The following RIMS1 variants were observed in gnomAD, a reference collection of about 807,000 sequenced individuals.
RIMS1 encodes regulating synaptic membrane exocytosis protein 1.
RIMS1 carries 83 observed loss-of-function variants against 214.1 expected under a neutral mutation model. The ratio of observed to expected loss-of-function variants is 0.39; its 90% confidence interval spans 0.32 to 0.47. The LOEUF is 0.47. Ranked by LOEUF, RIMS1 falls within the 20% of genes least tolerant of loss-of-function variation. RIMS1 has a pLI of 0.99. For synonymous variants in RIMS1, 793 were observed against 786.8 expected (o/e 1.01, Z -0.13); for missense variants, 2,050 against 2,161.8 (o/e 0.95, Z 1.03).
At chr6:72,339,896 C>T (rs1478259737) in intron 29 of RIMS1, among the ~76,000 whole-genome samples, 1 of 151,784 alleles carries the variant, frequency 6.6e-6, no homozygotes. Context: ...TTTACAGTCC[C>T]ACCAACAGTG....
chr6:72,079,315 A>T (rs1022250446), intron 2 of RIMS1, among the ~76,000 whole-genome samples: 1 of 152,220 alleles, frequency 6.6e-6, no homozygotes, highest in Non-Finnish European at 1.5e-5. Context: ...TGTTTGATGT[A>T]TCAAGCAGGG....
chr6:72,077,084 T>G (rs1474889032), intron 2 of RIMS1, among the ~76,000 whole-genome samples: 1 of 152,166 alleles, frequency 6.6e-6, no homozygotes, highest in Non-Finnish European at 1.5e-5. Context: ...GTCCAGCCTT[T>G]GCACGGGCTG....
intron 1 of RIMS1, among the ~76,000 whole-genome samples, chr6:71,949,891 C>A (rs1788934385): frequency 6.6e-6 from 1 of 152,096 alleles, no homozygotes; most frequent in Admixed American, 6.6e-5. Flanking sequence ...AAAATATATG[C>A]CTTCACAAAG....
intron 2 of RIMS1, among the ~76,000 whole-genome samples, chr6:72,096,228 A>C (rs900425216): frequency 2.0e-5 from 3 of 152,216 alleles, no homozygotes; most frequent in African/African-American, 7.2e-5. Context: ...AAATTGAACT[A>C]TGTAAAAATC....
intron 29 of RIMS1, among the ~76,000 whole-genome samples, chr6:72,351,983 G>T (rs1168927548): frequency 6.6e-6 from 1 of 152,098 alleles, no homozygotes; most frequent in African/African-American, 2.4e-5. Context: ...TATGTAACAT[G>T]CCTGAGTTCA....
At position 72,252,721 on chromosome 6, in the gene RIMS1, A is replaced by G. The variant is rs556411958; in HGVS notation, c.2699-40A>G. 28 of 1,527,446 alleles carry G rather than the reference A, an allele frequency of 1.8e-5. No homozygotes were observed. In the African/African-American group the frequency reaches 1.9e-4, roughly 11 times the overall value. 94.6% of individuals were successfully genotyped at this position (1,527,446 alleles called of 1,614,324 possible). On this transcript the variant is annotated intron_variant, in intron 15 of 33. Transcript: ENST00000521978. Reference sequence around the variant, plus strand: ...AGTGCTCTTTACGTTTCATAAACCAACCAGACACAGAAGTATCTCTTTGCC... The same window carrying G: ...AGTGCTCTTTACGTTTCATAAACCAGCCAGACACAGAAGTATCTCTTTGCC...
At chr6:71,924,630 CAA>C (rs1250868988) in intron 1 of RIMS1, among the ~76,000 whole-genome samples, 28 of 76,146 alleles carry the variant, frequency 3.7e-4, no homozygotes, top group Admixed American at 5.7e-4. Context: ...CCCATCTCTG[CAA>C]AAAAAAAAAA....
intron 4 of RIMS1, among the ~76,000 whole-genome samples, chr6:72,133,304 G>A (rs2040756919): frequency 6.7e-6 from 1 of 149,558 alleles, no homozygotes; most frequent in Non-Finnish European, 1.5e-5. Context: ...GTCATTCATA[G>A]CTCTTAAAAT....
At chr6:72,121,293 G>T (rs966061035) in intron 4 of RIMS1, among the ~76,000 whole-genome samples, 1 of 151,884 alleles carries the variant, frequency 6.6e-6, no homozygotes, top group African/African-American at 2.4e-5. Context: ...AGCATGGAAT[G>T]TTGTTCCATT....
At chr6:72,353,015 A>G (rs1399455563) in intron 29 of RIMS1, among the ~76,000 whole-genome samples, 8 of 97,718 alleles carry the variant, frequency 8.2e-5, no homozygotes, top group Admixed American at 6.4e-4. Flanking sequence ...TTTGAGATGG[A>G]GTGTCAATCT....
At chr6:72,047,564 A>G (rs1297957113) in intron 2 of RIMS1, among the ~76,000 whole-genome samples, 1 of 152,138 alleles carries the variant, frequency 6.6e-6, no homozygotes, top group East Asian at 1.9e-4. Context: ...GAACAGAGAA[A>G]CAGCTTCTAA....
chr6:72,139,165 G>A (rs985648369), intron 4 of RIMS1, among the ~76,000 whole-genome samples: 1 of 152,064 alleles, frequency 6.6e-6, no homozygotes, highest in Non-Finnish European at 1.5e-5. Flanking sequence ...CATATGAAAA[G>A]ACTCTGGCCT....
chr6:71,945,907 G>A (rs539093891), intron 1 of RIMS1, among the ~76,000 whole-genome samples: 5 of 152,068 alleles, frequency 3.3e-5, no homozygotes, highest in South Asian at 2.1e-4. Context: ...CTGCCACTAC[G>A]CTCAGCTAAT....
chr6:72,219,345 C>A (rs376092238), intron 6 of RIMS1, among the ~76,000 whole-genome samples: 3 of 152,056 alleles, frequency 2.0e-5, no homozygotes, highest in Non-Finnish European at 2.9e-5. Flanking sequence ...TATTATATAA[C>A]CTGCTTCACG....
At position 72,291,994 on chromosome 6, in the gene RIMS1, C is replaced by G. The variant is rs377076067; in HGVS notation, c.3798C>G (p.Arg1266=). 27 of 1,563,300 alleles carry G rather than the reference C, an allele frequency of 1.7e-5. No individual in the cohort carries two copies. Among genetic ancestry groups the G allele is most frequent in the Non-Finnish European group, 2.3e-5 (27 of 1,153,942 alleles). The part of the protein sequence containing the change: ...SPPADTSFSS[R]RGRQLPQVPV... ...CAGCAGACACATCGTTCAGCAGTCGCAGGGGAAGACAGCTCCCACAAGTGC... is the reference window on the plus strand; with the variant it reads ...CAGCAGACACATCGTTCAGCAGTCGGAGGGGAAGACAGCTCCCACAAGTGC... The change falls in exon 26 of 34, where the codon CGC becomes CGG. Residue 1266 remains arginine (R), a synonymous_variant. Coordinates refer to ENST00000521978, the MANE Select transcript of RIMS1 (RefSeq NM_014989.7).
chr6:72,285,642 G>A (rs1478144891), intron 24 of RIMS1, among the ~76,000 whole-genome samples: 2 of 152,172 alleles, frequency 1.3e-5, no homozygotes, highest in Non-Finnish European at 2.9e-5. Context: ...TGGACTTTGA[G>A]GAAGGAAATT....
At chr6:72,047,035 CA>C (rs150354425) in intron 2 of RIMS1, among the ~76,000 whole-genome samples, 2,042 of 151,774 alleles carry the variant, frequency 0.013, 10 homozygotes, top group Non-Finnish European at 0.017. Flanking sequence ...TACATTTGAC[CA>C]AAAAAAGTCT....
chr6:72,281,493 G>T (rs149321444), intron 23 of RIMS1, among the ~76,000 whole-genome samples: 78 of 152,130 alleles, frequency 5.1e-4, no homozygotes, highest in African/African-American at 1.8e-3. Context: ...AATAGAAGTT[G>T]CCAGGGATCA....
rs567625612 is a variant in RIMS1, at chr6:72,159,892, T to C, written c.472-19683T>C. Among the ~76,000 whole-genome samples the C allele has an allele frequency of 1.4e-5, 2 of 140,206 alleles. 1 individual carries two copies. Among genetic ancestry groups the C allele is most frequent in the South Asian group, 4.8e-4 (2 of 4,204 alleles). The allele number at this position is 140,206 out of a possible 152,430, so 92.0% of individuals were successfully genotyped here. A position where few individuals can be genotyped will look rare whatever the true frequency, so the allele number is the denominator to read the frequency against. On this transcript the variant is annotated intron_variant, in intron 4 of 33. Transcript: ENST00000521978. ...ATGCGGGCTCTTTTTTGGTTCCATG[T>C]GAACTTTAAAGTGGTTTTTTCCAAT...
Sources: allele counts gnomAD v4.1 joint callset (sites outside exome capture counted in the v4.1 genomes callset), GRCh38; gene constraint gnomAD v4.1.1; transcripts MANE v1.5; gene names NCBI Gene and HGNC (gene_info 2026-07-23, HGNC 2026-07-21).